The following NUP214 variants were observed in gnomAD, a reference collection of about 807,000 sequenced individuals.
NUP214 encodes the protein nuclear pore complex protein Nup214.
In NUP214, 79 loss-of-function variants were observed where a neutral mutation model predicts 196.2. That is an observed-to-expected ratio of 0.40 (90% CI 0.34 to 0.49). The LOEUF (loss-of-function observed/expected upper bound fraction) is 0.49, where lower values mean the gene tolerates loss of function less well. Among genes scored for constraint, NUP214 ranks in the 20% least tolerant of loss-of-function variants. NUP214 has a pLI of 0.58. For missense variants in NUP214, 2,468 were observed against 2,539.0 expected (o/e 0.97, Z 0.60); for synonymous variants, 1,020 against 990.5 (o/e 1.03, Z -0.56).
chr9:131,150,660 T>C lies in NUP214; in HGVS notation c.2172T>C (p.Thr724=), dbSNP rs762255457. The C allele has an allele frequency of 6.2e-7, 1 of 1,614,078 alleles. No individual in the cohort carries two copies. ...AGTTGGAAGAGTTAAAAGCCCGAAC[T>C]TCCAAAGCCTGTTTCCAAGTGGGCA... ...QKELEELKAR[T]SKACFQVGTS... Residue 724 remains threonine (T), a synonymous_variant, in exon 16 of 36, where the codon ACT becomes ACC. Transcript: ENST00000359428.
chr9:131,197,896 T>C lies in NUP214; in HGVS notation c.4402T>C (p.Phe1468Leu). ...AGCTGCCACTCCCCTTCCAACATCATTCCCCACATTGTCATTTGGTAGCCT... is the reference window on the plus strand; with the variant it reads ...AGCTGCCACTCCCCTTCCAACATCACTCCCCACATTGTCATTTGGTAGCCT... ...TTAATPLPTS[F>L]PTLSFGSLLS... The change falls in exon 29 of 36, where the codon TTC becomes CTC. Residue 1468 changes from phenylalanine (F) to leucine (L), a missense_variant. Phe to Leu is a conservative substitution (Grantham distance 22). Transcript: ENST00000359428. 1 of 1,613,996 alleles carries C rather than the reference T, an allele frequency of 6.2e-7. No individual in the cohort carries two copies.
intron 24 of NUP214, among the ~76,000 whole-genome samples, chr9:131,178,969 T>TTTGTTG (rs747733056): frequency 3.8e-4 from 57 of 151,630 alleles, no homozygotes; most frequent in South Asian, 6.2e-4. Flanking sequence ...TGGTGGTGGT[T>TTTGTTG]TTGTTGTTGT....
At position 131,139,285 on chromosome 9, in the gene NUP214, A is replaced by G; in HGVS notation, c.1010A>G (p.Asn337Ser). 1 of 1,219,976 alleles carries G rather than the reference A, an allele frequency of 8.2e-7. No homozygotes were observed. Among genetic ancestry groups the G allele is most frequent in the Non-Finnish European group, 1.1e-6 (1 of 948,216 alleles). The allele number at this position is 1,219,976 out of a possible 1,614,324, so 75.6% of individuals were successfully genotyped here. Residue 337 changes from asparagine to serine, a missense_variant, in exon 10 of 36, where the codon AAT (asparagine) becomes AGT (serine). Transcript: ENST00000359428. ...TTTTTTTTTTTTTTTTTTTAGATTA[A>G]TTGGGAATCTTGGCTACTGGAGGAT... Reference protein sequence around the residue: ...SILARQSDQINWESWLLEDSS... With the variant: ...SILARQSDQISWESWLLEDSS...
rs1588166866 is a variant in NUP214, at chr9:131,206,141, C to CTTTTTTTTTTTTTTT, written c.5592+4430_5592+4431insTTTTTTTTTTTTTTT. ...ACATTATTCCACATAGAATTTTTTT[C>CTTTTTTTTTTTTTTT]TTTTTTCTTTTTTTTTTTTTTGAGA... On this transcript the variant is annotated intron_variant, in intron 30 of 35. Transcript: ENST00000359428. Among the ~76,000 whole-genome samples, 12 of 23,864 alleles carry CTTTTTTTTTTTTTTT rather than the reference C, an allele frequency of 5.0e-4. 1 individual carries two copies. Among genetic ancestry groups the CTTTTTTTTTTTTTTT allele is most frequent in the African/African-American group, 1.7e-3 (12 of 7,210 alleles). 15.7% of individuals were successfully genotyped at this position (23,864 alleles called of 152,430 possible). A position where few individuals can be genotyped will look rare whatever the true frequency, so the allele number is the denominator to read the frequency against.
rs1383037348 is a variant in NUP214 at position 131,146,004 on chromosome 9, A to G, written c.1770-125A>G. On this transcript the variant is annotated intron_variant, in intron 12 of 35. Coordinates refer to ENST00000359428, the MANE Select transcript of NUP214 (RefSeq NM_005085.4). This position sits in a 1 kb window ranked among gnomAD's most constrained non-coding sequence, Gnocchi z 4.6. The stretch of plus-strand genomic sequence containing the variant: ...AAACATTTTTGTTTCCTGAAGGCAA[A>G]AAGTATGTTATCTTTGTAAGTTAAC... The G allele has an allele frequency of 6.4e-6, 6 of 935,316 alleles. No individual in the cohort carries two copies. In the East Asian group the frequency reaches 7.3e-5, roughly 11 times the overall value. 57.9% of individuals were successfully genotyped at this position (935,316 alleles called of 1,614,324 possible). A position where few individuals can be genotyped will look rare whatever the true frequency, so the allele number is the denominator to read the frequency against.
intron 24 of NUP214, 102 bp from the exon 25 acceptor site, chr9:131,187,187 C>T: frequency 1.0e-6 from 1 of 974,870 alleles, no homozygotes; most frequent in Non-Finnish European, 1.6e-6. Context: ...GTATCCTACC[C>T]AAAACTGGTA....
At chr9:131,128,191 A>T (rs1397893485) in intron 2 of NUP214, 141 bp from the exon 3 acceptor site, 13 of 584,522 alleles carry the variant, frequency 2.2e-5, no homozygotes, top group Admixed American at 3.4e-5. Context: ...AAGAAAGTTA[A>T]GATTTATCTG....
intron 1 of NUP214, 87 bp from the exon 2 acceptor site, chr9:131,127,437 T>C: frequency 9.7e-7 from 1 of 1,025,836 alleles, no homozygotes; most frequent in South Asian, 1.6e-5. Flanking sequence ...TACATATTTT[T>C]GTTGTACTGA....
At chr9:131,179,604 T>C (rs550817465) in intron 24 of NUP214, among the ~76,000 whole-genome samples, 24 of 152,202 alleles carry the variant, frequency 1.6e-4, no homozygotes, top group Non-Finnish European at 3.4e-4. Context: ...CTCCACAGCG[T>C]GCCCACCCTC....
intron 25 of NUP214, among the ~76,000 whole-genome samples, chr9:131,188,611 G>C (rs1833520040): frequency 6.6e-6 from 1 of 152,232 alleles, no homozygotes; most frequent in African/African-American, 2.4e-5. Context: ...CACATGATAA[G>C]GCATAAGTCA....
At chr9:131,230,974 A>G (rs878962502) in intron 34 of NUP214, among the ~76,000 whole-genome samples, 2 of 152,162 alleles carry the variant, frequency 1.3e-5, no homozygotes, top group South Asian at 4.1e-4. Flanking sequence ...TAGCCTGGGC[A>G]ACATGGCAAG....
intron 8 of NUP214, 156 bp downstream of exon 8, chr9:131,135,160 G>A: frequency 1.8e-6 from 1 of 553,092 alleles, no homozygotes; most frequent in East Asian, 3.0e-5. Context: ...CACGATTGTA[G>A]CTCACAGAAG....
chr9:131,129,125 A>T (rs571391449), intron 3 of NUP214, among the ~76,000 whole-genome samples, 154 bp from the exon 4 acceptor site: 1 of 152,388 alleles, frequency 6.6e-6, no homozygotes, highest in African/African-American at 2.4e-5. Context: ...TATAGCAAAT[A>T]GATTGATGCA....
At chr9:131,128,934 A>T (rs2133442692) in intron 3 of NUP214, 1 of 340,300 alleles carries the variant, frequency 2.9e-6, no homozygotes, top group East Asian at 7.4e-5. Flanking sequence ...TAGGTAGAGA[A>T]ACAGGCTCAG....
intron 30 of NUP214, among the ~76,000 whole-genome samples, chr9:131,210,780 T>A (rs1200866381): frequency 6.6e-6 from 1 of 151,888 alleles, no homozygotes; most frequent in African/African-American, 2.4e-5. Context: ...AAAATGAAGG[T>A]CAGAGAGATG....
Position 131,174,092 on chromosome 9 carries a change from T to C in NUP214, c.2931T>C (p.Tyr977=). The C allele has an allele frequency of 1.2e-6, 2 of 1,613,590 alleles. No homozygotes were observed. The highest frequency in any genetic ancestry group is 1.7e-6 in the Non-Finnish European group (2 of 1,179,850). Residue 977 remains tyrosine (Y), a synonymous_variant, in exon 22 of 36, where the codon TAT becomes TAC. Transcript: ENST00000359428. ...LSRSAFLSQR[Y]YEDLDEVSST... Reference sequence around the variant, plus strand: ...GATCAGCCTTTCTGTCTCAGAGATATTATGAAGACTTGGATGAAGTCAGCT... The same window carrying C: ...GATCAGCCTTTCTGTCTCAGAGATACTATGAAGACTTGGATGAAGTCAGCT...
Position 131,196,040 on chromosome 9 carries a change from G to GCCCCCCGC in NUP214, c.3721+747_3721+748insCCCCCGCC, listed in dbSNP as rs928537496. 6.2e-3 allele frequency among the ~76,000 whole-genome samples: 37 copies of GCCCCCCGC among 5,960 alleles called. 7 individuals carry two copies. The highest frequency in any genetic ancestry group is 0.014 in the African/African-American group (31 of 2,242). 3.9% of individuals were successfully genotyped at this position (5,960 alleles called of 152,430 possible). Reference sequence around the variant, plus strand: ...ACTCTGTGTGTCCCCCCCCCCCCCCGCGCCAAAAAATCCATCAATAGCATG... The same window carrying GCCCCCCGC: ...ACTCTGTGTGTCCCCCCCCCCCCCCGCCCCCCGCCGCCAAAAAATCCATCAATAGCATG... On this transcript the variant is annotated intron_variant, in intron 28 of 35. Coordinates refer to ENST00000359428, the MANE Select transcript of NUP214 (RefSeq NM_005085.4).
chr9:131,127,124 C>T, intron 1 of NUP214: 1 of 156,098 alleles, frequency 6.4e-6, no homozygotes, highest in Non-Finnish European at 1.4e-5. Flanking sequence ...TGGCTCATGC[C>T]TGTGAGCTTG....
intron 3 of NUP214, 91 bp downstream of exon 3, chr9:131,128,574 C>A: frequency 3.5e-6 from 4 of 1,134,308 alleles, no homozygotes; most frequent in Admixed American, 2.7e-5. Context: ...ATAGGTTAAC[C>A]CTTGAAGTTT....
Sources: allele counts gnomAD v4.1 joint callset (sites outside exome capture counted in the v4.1 genomes callset), GRCh38; gene constraint gnomAD v4.1.1; non-coding constraint Gnocchi (gnomAD v3.1); transcripts MANE v1.5; gene names NCBI Gene and HGNC (gene_info 2026-07-23, HGNC 2026-07-21).